The following TSPAN9 variants were observed in gnomAD, a reference collection of about 807,000 sequenced individuals.
TSPAN9 encodes tetraspanin-9.
Under a neutral mutation model 31.0 loss-of-function variants are expected in TSPAN9, and 16 were observed. The observed-to-expected ratio is 0.52, with a 90% CI of 0.35 to 0.78. TSPAN9 has a LOEUF of 0.78. Among genes scored for constraint, TSPAN9 ranks in the 30% least tolerant of loss-of-function variants. The pLI is 0.01. For synonymous variants in TSPAN9, 145 were observed against 121.6 expected (o/e 1.19, Z -1.27); for missense variants, 272 against 312.5 (o/e 0.87, Z 0.98).
chr12:3,222,710 C>T (rs1194005543), intron 3 of TSPAN9, among the ~76,000 whole-genome samples: 3 of 152,184 alleles, frequency 2.0e-5, no homozygotes, highest in Admixed American at 6.5e-5. Flanking sequence ...CTGCAGTGGT[C>T]CTCAAGAAAT....
rs2098337905 is a variant in TSPAN9 at position 3,147,710 on chromosome 12, A to G, written c.-17-53467A>G. Among the ~76,000 whole-genome samples the G allele has an allele frequency of 6.6e-6, 1 of 152,182 alleles. No individual in the cohort carries two copies. ...GGATTTTAAATTTTATTCAGTTTTA[A>G]CTTAAAATGGAAATGTAGGTGGCCA... On this transcript the variant is annotated intron_variant, in intron 2 of 8. Coordinates refer to ENST00000011898, the MANE Select transcript of TSPAN9 (RefSeq NM_006675.5). The surrounding 1 kb of genome is among the most constrained non-coding windows in gnomAD (Gnocchi z 4.3).
intron 3 of TSPAN9, among the ~76,000 whole-genome samples, chr12:3,270,207 T>C (rs915340154): frequency 6.6e-6 from 1 of 152,186 alleles, no homozygotes; most frequent in Non-Finnish European, 1.5e-5. Flanking sequence ...AGTAGAAAGA[T>C]GCTGGCACCC....
intron 3 of TSPAN9, among the ~76,000 whole-genome samples, chr12:3,223,701 A>T (rs1212079481): frequency 6.6e-6 from 1 of 152,182 alleles, no homozygotes; most frequent in East Asian, 1.9e-4. Context: ...AACACTCCTT[A>T]TGGAGCTGGT....
At chr12:3,156,652 C>A (rs1441307396) in intron 2 of TSPAN9, among the ~76,000 whole-genome samples, 1 of 152,054 alleles carries the variant, frequency 6.6e-6, no homozygotes, top group South Asian at 2.1e-4. Context: ...GGATTACAGG[C>A]ATGCGCCACC....
intron 3 of TSPAN9, among the ~76,000 whole-genome samples, chr12:3,204,477 A>G (rs548190994): frequency 6.4e-4 from 98 of 152,106 alleles, no homozygotes; most frequent in Non-Finnish European, 1.3e-3. Flanking sequence ...TTACTAAGAA[A>G]AGGGCAGGTG....
intron 2 of TSPAN9, among the ~76,000 whole-genome samples, chr12:3,151,855 G>A (rs551771622): frequency 1.3e-5 from 2 of 152,196 alleles, no homozygotes; most frequent in East Asian, 1.9e-4. Flanking sequence ...CCCGTGAGGC[G>A]GAGGTTGCAG....
At chr12:3,157,779 G>A (rs1006745783) in intron 2 of TSPAN9, among the ~76,000 whole-genome samples, 1 of 152,158 alleles carries the variant, frequency 6.6e-6, no homozygotes, top group African/African-American at 2.4e-5. Flanking sequence ...CTGATCAGGT[G>A]GGCGCTGGGC....
intron 2 of TSPAN9, among the ~76,000 whole-genome samples, chr12:3,090,053 A>G (rs7969345): frequency 0.3 from 45,349 of 152,062 alleles, 7,641 homozygotes; most frequent in East Asian, 0.53. Context: ...CACTGTTAAT[A>G]CTTTGGTTTG....
intron 2 of TSPAN9, among the ~76,000 whole-genome samples, chr12:3,089,185 T>C (rs2098302529): frequency 6.9e-6 from 1 of 144,664 alleles, no homozygotes; most frequent in African/African-American, 2.6e-5. Context: ...TGAGCTGAGA[T>C]CGCGCCACTG....
intron 3 of TSPAN9, among the ~76,000 whole-genome samples, chr12:3,209,783 C>G (rs1439393885): frequency 1.3e-5 from 2 of 151,718 alleles, no homozygotes; most frequent in Non-Finnish European, 1.5e-5. Context: ...CACGGTGAAA[C>G]CCCGTCTCTA....
At chr12:3,282,958 G>A (rs991525802) in intron 8 of TSPAN9, 87 bp from the exon 9 acceptor site, 6 of 1,364,616 alleles carry the variant, frequency 4.4e-6, no homozygotes, top group African/African-American at 4.3e-5. Context: ...TGCTCTAGGT[G>A]CCCTGTGACA....
At chr12:3,110,233 C>G (rs2098317793) in intron 2 of TSPAN9, among the ~76,000 whole-genome samples, 2 of 152,116 alleles carry the variant, frequency 1.3e-5, no homozygotes, top group African/African-American at 4.8e-5. Flanking sequence ...AGGCCAAGAC[C>G]CTGCCCTCTT....
intron 3 of TSPAN9, among the ~76,000 whole-genome samples, chr12:3,202,424 CTT>C (rs2098372457): frequency 6.6e-6 from 1 of 152,198 alleles, no homozygotes; most frequent in Non-Finnish European, 1.5e-5. Context: ...AGCCGAAACA[CTT>C]TTTAGGGTGG....
chr12:3,088,819 C>T (rs558061151), intron 2 of TSPAN9, among the ~76,000 whole-genome samples: 2 of 151,980 alleles, frequency 1.3e-5, no homozygotes, highest in South Asian at 4.2e-4. Flanking sequence ...GTGTGGCCTG[C>T]AGGAGAGGGT....
intron 3 of TSPAN9, among the ~76,000 whole-genome samples, chr12:3,259,530 C>T (rs1030084974): frequency 7.9e-5 from 12 of 152,262 alleles, no homozygotes; most frequent in African/African-American, 1.2e-4. Context: ...ACAGAGCTCA[C>T]GTTTAGCAGG....
chr12:3,138,990 G>T (rs966743877), intron 2 of TSPAN9, among the ~76,000 whole-genome samples: 3 of 152,128 alleles, frequency 2.0e-5, no homozygotes, highest in Non-Finnish European at 4.4e-5. Flanking sequence ...AGGGCTACAG[G>T]CTGTGGACGC....
chr12:3,191,317 C>T (rs755776718), intron 2 of TSPAN9, among the ~76,000 whole-genome samples: 2 of 152,166 alleles, frequency 1.3e-5, no homozygotes, highest in Non-Finnish European at 2.9e-5. Flanking sequence ...AAGCTTCATT[C>T]CAGTGGAGCG....
intron 3 of TSPAN9, among the ~76,000 whole-genome samples, chr12:3,240,245 G>T (rs2098395915): frequency 6.6e-6 from 1 of 152,090 alleles, no homozygotes; most frequent in Non-Finnish European, 1.5e-5. Context: ...GCTCCTTGAG[G>T]GGTGCGTTTG....
At chr12:3,264,157 C>T (rs764328487) in intron 3 of TSPAN9, among the ~76,000 whole-genome samples, 13 of 152,170 alleles carry the variant, frequency 8.5e-5, no homozygotes, top group African/African-American at 1.4e-4. Flanking sequence ...TTGGCTCACC[C>T]GCCTCGAGGA....
Sources: allele counts gnomAD v4.1 joint callset (sites outside exome capture counted in the v4.1 genomes callset), GRCh38; gene constraint gnomAD v4.1.1; non-coding constraint Gnocchi (gnomAD v3.1); transcripts MANE v1.5; gene names NCBI Gene and HGNC (gene_info 2026-07-23, HGNC 2026-07-21).